Variants in STIM2 observed in about 807,000 individuals in gnomAD.
STIM2 encodes the protein stromal interaction molecule 2.
STIM2 carries 31 observed loss-of-function variants against 85.8 expected under a neutral mutation model. That is an observed-to-expected ratio of 0.36 (90% confidence interval 0.27 to 0.49). The LOEUF (loss-of-function observed/expected upper bound fraction) is 0.49. Ranked by LOEUF, STIM2 falls within the 20% of genes least tolerant of loss-of-function variation. The pLI is 0.98. For synonymous variants in STIM2, 356 were observed against 331.1 expected (o/e 1.08, Z -0.82); for missense variants, 841 against 927.6 (o/e 0.91, Z 1.21).
intron 1 of STIM2, among the ~76,000 whole-genome samples, chr4:26,891,565 ACACACAC>A (rs1723485049): frequency 2.0e-5 from 1 of 50,750 alleles, no homozygotes; most frequent in Non-Finnish European, 4.3e-5. Flanking sequence ...ACATACACAC[ACACACAC>A]ACACACACAC....
intron 1 of STIM2, chr4:26,861,663 A>T: frequency 3.7e-6 from 1 of 273,108 alleles, no homozygotes. Flanking sequence ...GTGCTGCAGA[A>T]GTGCCAGCAG....
intron 1 of STIM2, among the ~76,000 whole-genome samples, chr4:26,883,783 C>T (rs1723110037): frequency 6.6e-6 from 1 of 152,164 alleles, no homozygotes; most frequent in African/African-American, 2.4e-5. Flanking sequence ...TTGTAATTGA[C>T]AGAAACAAAG....
At chr4:27,014,039 A>G (rs1560240732) in intron 10 of STIM2, among the ~76,000 whole-genome samples, 3 of 151,980 alleles carry the variant, frequency 2.0e-5, no homozygotes, top group Admixed American at 2.0e-4. Flanking sequence ...ACTGTTTTAT[A>G]TGATGTAAAA....
At chr4:26,917,195 A>G (rs1344126040) in intron 1 of STIM2, among the ~76,000 whole-genome samples, 1 of 152,228 alleles carries the variant, frequency 6.6e-6, no homozygotes, top group African/African-American at 2.4e-5. Context: ...TAGAATGATT[A>G]GAAAATGAAG....
chr4:26,957,774 C>G lies in STIM2; in HGVS notation c.397+48C>G, dbSNP rs772645545. 8.4e-6 allele frequency: 10 copies of G among 1,188,024 alleles called. No individual in the cohort carries two copies. The South Asian group carries it at 1.4e-4, about 17-fold the overall frequency. 73.6% of individuals were successfully genotyped at this position (1,188,024 alleles called of 1,614,324 possible). ...GCCCCCTCCCCTTCTGCACATCTAGCCTGCTTAGTTGTTCTCAACTCACTT... is the reference window on the plus strand; with the variant it reads ...GCCCCCTCCCCTTCTGCACATCTAGGCTGCTTAGTTGTTCTCAACTCACTT... On this transcript the variant is annotated intron_variant, in intron 3 of 11. Coordinates refer to ENST00000467087, the MANE Select transcript of STIM2 (RefSeq NM_020860.4).
chr4:27,017,357 T>C (rs1473524812), intron 10 of STIM2, among the ~76,000 whole-genome samples: 3 of 152,198 alleles, frequency 2.0e-5, no homozygotes, highest in African/African-American at 7.2e-5. Flanking sequence ...TGTCCTTTCT[T>C]TATGTTAACA....
chr4:26,907,599 T>C (rs1402759531), intron 1 of STIM2, among the ~76,000 whole-genome samples: 1 of 152,232 alleles, frequency 6.6e-6, no homozygotes, highest in Non-Finnish European at 1.5e-5. Flanking sequence ...AATAAAGATT[T>C]CAGTACACTT....
At chr4:26,881,256 A>G (rs1368456756) in intron 1 of STIM2, among the ~76,000 whole-genome samples, 1 of 152,126 alleles carries the variant, frequency 6.6e-6, no homozygotes, top group Non-Finnish European at 1.5e-5. Context: ...ATCTGAGGTC[A>G]GGAGTTTGAG....
At chr4:26,993,963 A>C (rs933052992) in intron 3 of STIM2, among the ~76,000 whole-genome samples, 10 of 152,148 alleles carry the variant, frequency 6.6e-5, no homozygotes, top group African/African-American at 2.2e-4. Flanking sequence ...TTTAAGACTT[A>C]AGAAAATGCA....
intron 1 of STIM2, chr4:26,861,635 T>A (rs1722202448): frequency 6.0e-6 from 2 of 333,356 alleles, no homozygotes; most frequent in Non-Finnish European, 1.0e-5. Context: ...AGCTGAGCAA[T>A]GCGGTGGTTT....
intron 3 of STIM2, among the ~76,000 whole-genome samples, chr4:26,975,457 T>G (rs1466281944): frequency 6.6e-6 from 1 of 152,142 alleles, no homozygotes; most frequent in East Asian, 1.9e-4. Flanking sequence ...ATGTTGATGC[T>G]ATTCCTTTCT....
chr4:26,861,156 C>A lies in STIM2; in HGVS notation c.-63C>A. On this transcript the variant is annotated 5_prime_UTR_variant, in exon 1 of 12. Coordinates refer to ENST00000467087, the MANE Select transcript of STIM2 (RefSeq NM_020860.4). ...TCACCCGGCTTCTCCTCGGCGCCTT[C>A]ATCCCGCCTCGACTCCTGGCCCAGC... 7.5e-7 allele frequency: 1 copy of A among 1,330,596 alleles called. No homozygotes were observed. Among genetic ancestry groups the A allele is most frequent in the South Asian group, 2.0e-5 (1 of 50,394 alleles). 82.4% of individuals were successfully genotyped at this position (1,330,596 alleles called of 1,614,324 possible). A position where few individuals can be genotyped will look rare whatever the true frequency, so the allele number is the denominator to read the frequency against.
chr4:27,006,467 G>A (rs1577492883), intron 7 of STIM2, among the ~76,000 whole-genome samples: 1 of 152,310 alleles, frequency 6.6e-6, no homozygotes, highest in East Asian at 1.9e-4. Context: ...TCGACACGCA[G>A]GATGCTCCGT....
intron 1 of STIM2, among the ~76,000 whole-genome samples, chr4:26,863,072 A>G (rs1722277417): frequency 2.0e-5 from 3 of 152,168 alleles, no homozygotes; most frequent in Admixed American, 2.0e-4. Flanking sequence ...TAATAAGTAT[A>G]TTTTATACTG....
Position 27,008,489 on chromosome 4 carries a change from C to T in STIM2, c.1211C>T (p.Ser404Phe). Residue 404 changes from serine (S) to phenylalanine (F), a missense_variant, in exon 9 of 12, where the codon TCC (serine) becomes TTC (phenylalanine). Transcript: ENST00000467087. Reference sequence around the variant, plus strand: ...GGGACTCTGCACGTTGCACACAGCTCCTCCCTAGATGAGGTAGACCACAAA... The same window carrying T: ...GGGACTCTGCACGTTGCACACAGCTTCTCCCTAGATGAGGTAGACCACAAA... 6.2e-7 allele frequency: 1 copy of T among 1,603,948 alleles called. No homozygotes were observed. Among genetic ancestry groups the T allele is most frequent in the Non-Finnish European group, 8.5e-7 (1 of 1,175,758 alleles).
intron 2 of STIM2, among the ~76,000 whole-genome samples, chr4:26,932,919 G>A (rs1220798575): frequency 6.6e-6 from 1 of 152,160 alleles, no homozygotes; most frequent in East Asian, 1.9e-4. Flanking sequence ...AACACATAAC[G>A]ACTTGTCCTG....
chr4:27,023,159 T>A lies in STIM2; in HGVS notation c.*163T>A. ...AACATCCAGAAGGGCAACTGTCTAC[T>A]GTCTGCTTATTTAAGTGACTATATA... On this transcript the variant is annotated 3_prime_UTR_variant, in exon 12 of 12. Transcript: ENST00000467087. 1 of 668,434 alleles carries A rather than the reference T, an allele frequency of 1.5e-6. No homozygotes were observed. Among genetic ancestry groups the A allele is most frequent in the Non-Finnish European group, 2.6e-6 (1 of 384,766 alleles). 41.4% of individuals were successfully genotyped at this position (668,434 alleles called of 1,614,324 possible). A position where few individuals can be genotyped will look rare whatever the true frequency, so the allele number is the denominator to read the frequency against.
At chr4:26,956,772 A>G (rs1351534811) in intron 2 of STIM2, among the ~76,000 whole-genome samples, 1 of 152,174 alleles carries the variant, frequency 6.6e-6, no homozygotes, top group Non-Finnish European at 1.5e-5. Context: ...AGTATTTGGT[A>G]AAAATGAATG....
intron 1 of STIM2, among the ~76,000 whole-genome samples, chr4:26,887,261 T>C (rs1441815054): frequency 6.6e-6 from 1 of 151,780 alleles, no homozygotes; most frequent in Admixed American, 6.6e-5. Context: ...TTGAGCTTTT[T>C]TTCTTTACTG....
Sources: allele counts gnomAD v4.1 joint callset (sites outside exome capture counted in the v4.1 genomes callset), GRCh38; gene constraint gnomAD v4.1.1; transcripts MANE v1.5; gene names NCBI Gene and HGNC (gene_info 2026-07-23, HGNC 2026-07-21).